Variants in BICD2 observed in about 807,000 individuals in gnomAD.
The protein encoded by BICD2 is BICD cargo adaptor 2.
BICD2 carries 25 observed loss-of-function variants against 72.9 expected under a neutral mutation model. That is an observed-to-expected ratio of 0.34 (90% CI 0.25 to 0.48). The LOEUF (loss-of-function observed/expected upper bound fraction) is 0.48. BICD2 is among the 20% of genes least tolerant of loss of function. The pLI is 0.99. For synonymous variants in BICD2, 501 were observed against 516.1 expected, an observed-to-expected ratio of 0.97 and a Z score of 0.40; for missense variants, 894 against 1,175.2, an observed-to-expected ratio of 0.76 and a Z score of 3.50.
At chr9:92,716,981 C>T (rs28714669) in intron 6 of BICD2, among the ~76,000 whole-genome samples, 2 of 152,220 alleles carry the variant, frequency 1.3e-5, no homozygotes, top group South Asian at 2.1e-4. Flanking sequence ...GAGTACCCAG[C>T]GGTCACAATG....
chr9:92,720,662 C>T lies in BICD2; in HGVS notation c.700G>A (p.Glu234Lys). ...TCCTCCAGCTGCCGCTCTGAGATCT[C>T]CTTGAGGCGGATGGCATCCTCCAGC... Reference protein sequence around the residue: ...SQLEDAIRLKEISERQLEEAL... With the variant: ...SQLEDAIRLKKISERQLEEAL... Residue 234 changes from glutamate to lysine, a missense_variant, in exon 4 of 7, where the codon GAG becomes AAG. Physicochemically the swap from Glu to Lys is moderately conservative, Grantham distance 56. Transcript: ENST00000356884. This position sits in a 1 kb window ranked among gnomAD's most constrained non-coding sequence, Gnocchi z 5.4. 2 of 1,614,214 alleles carry T rather than the reference C, an allele frequency of 1.2e-6. No individual in the cohort carries two copies. The highest frequency in any genetic ancestry group is 1.6e-4 in the Middle Eastern group (1 of 6,062).
chr9:92,742,796 G>A (rs541309929), intron 1 of BICD2, among the ~76,000 whole-genome samples: 2 of 152,204 alleles, frequency 1.3e-5, no homozygotes, highest in African/African-American at 2.4e-5. Context: ...CTCTATGAAT[G>A]TGTCTATTCT....
At chr9:92,752,536 G>A (rs1474155520) in intron 1 of BICD2, among the ~76,000 whole-genome samples, 1 of 152,188 alleles carries the variant, frequency 6.6e-6, no homozygotes, top group Non-Finnish European at 1.5e-5. Context: ...AGAAGGCCAA[G>A]ATAGGAGAAG....
chr9:92,742,864 G>A (rs754893235), intron 1 of BICD2, among the ~76,000 whole-genome samples: 2 of 152,158 alleles, frequency 1.3e-5, no homozygotes, highest in African/African-American at 4.8e-5. Flanking sequence ...TTCAAGGTTC[G>A]CCCATGTTGT....
chr9:92,756,654 T>C (rs1353799262), intron 1 of BICD2, among the ~76,000 whole-genome samples: 5 of 150,414 alleles, frequency 3.3e-5, no homozygotes, highest in Non-Finnish European at 5.9e-5. Flanking sequence ...AGGCAGATCA[T>C]GAGGTCAGGA....
intron 2 of BICD2, among the ~76,000 whole-genome samples, chr9:92,723,908 G>A (rs960468483): frequency 6.6e-6 from 1 of 152,074 alleles, no homozygotes; most frequent in Admixed American, 6.5e-5. Flanking sequence ...TTTGTGGTGG[G>A]AGCCGGCCTG....
At chr9:92,723,717 C>A (rs1853510407) in intron 2 of BICD2, among the ~76,000 whole-genome samples, 1 of 152,192 alleles carries the variant, frequency 6.6e-6, no homozygotes, top group Admixed American at 6.5e-5. Flanking sequence ...CTGAATAAAG[C>A]TGTTAAAAAT....
intron 1 of BICD2, among the ~76,000 whole-genome samples, chr9:92,761,836 C>T (rs1854378552): frequency 6.6e-6 from 1 of 152,226 alleles, no homozygotes; most frequent in Non-Finnish European, 1.5e-5. Context: ...CTCAAGAAAT[C>T]ACTAGCAGAA....
At chr9:92,732,352 T>C (rs892760370) in intron 1 of BICD2, among the ~76,000 whole-genome samples, 4 of 152,106 alleles carry the variant, frequency 2.6e-5, no homozygotes, top group Non-Finnish European at 5.9e-5. Context: ...AAGCCTTATG[T>C]AAGGAGTAAT....
rs368227626 is a variant in BICD2, at chr9:92,726,578, G to A, written c.453+2446C>T. Among the ~76,000 whole-genome samples, 18 of 152,202 alleles carry A rather than the reference G, an allele frequency of 1.2e-4. 1 individual carries two copies. Among genetic ancestry groups the A allele is most frequent in the East Asian group, 9.6e-4 (5 of 5,186 alleles). On this transcript the variant is annotated intron_variant, in intron 2 of 6. Coordinates refer to ENST00000356884, the MANE Select transcript of BICD2 (RefSeq NM_001003800.2). ...GCTATGCATGACTGGGACTGGTGGT[G>A]GTGAGACAAGGTCAGTCCTAGAGAT...
rs1854438965 is a variant in BICD2, at chr9:92,764,458, G to A, written c.240+47C>T. On this transcript the variant is annotated intron_variant, in intron 1 of 6. Transcript: ENST00000356884. The surrounding 1 kb of genome is among the most constrained non-coding windows in gnomAD (Gnocchi z 5.5). ...CCTGGTGCCAGGGACGACGCCCACAGGCCCCGGCGCCGGGCGGGGGTCGCA... is the reference window on the plus strand; with the variant it reads ...CCTGGTGCCAGGGACGACGCCCACAAGCCCCGGCGCCGGGCGGGGGTCGCA... 7 of 1,443,636 alleles carry A rather than the reference G, an allele frequency of 4.8e-6. No homozygotes were observed. The highest frequency in any genetic ancestry group is 6.4e-6 in the Non-Finnish European group (7 of 1,091,944). 89.4% of individuals were successfully genotyped at this position (1,443,636 alleles called of 1,614,324 possible).
At chr9:92,740,783 C>A (rs917082130) in intron 1 of BICD2, among the ~76,000 whole-genome samples, 1 of 152,138 alleles carries the variant, frequency 6.6e-6, no homozygotes, top group Admixed American at 6.5e-5. Context: ...AACCAGGGAA[C>A]TGAACACTTA....
At chr9:92,734,916 G>A (rs1048822591) in intron 1 of BICD2, among the ~76,000 whole-genome samples, 6 of 152,190 alleles carry the variant, frequency 3.9e-5, no homozygotes, top group Admixed American at 2.6e-4. Flanking sequence ...GGGAACAAAA[G>A]GGACACACAG....
intron 1 of BICD2, among the ~76,000 whole-genome samples, chr9:92,759,005 AAATAAT>A (rs995774986): frequency 6.6e-6 from 1 of 152,028 alleles, no homozygotes; most frequent in African/African-American, 2.4e-5. Context: ...CAAAATAAAT[AAATAAT>A]AATAATAATA....
intron 1 of BICD2, 132 bp from the exon 2 acceptor site, chr9:92,729,368 G>A (rs1853635415): frequency 2.1e-6 from 2 of 962,490 alleles, no homozygotes; most frequent in Non-Finnish European, 3.1e-6. Flanking sequence ...CTGAAGGGAG[G>A]CCCCCTGACC....
At position 92,764,460 on chromosome 9, in the gene BICD2, C is replaced by A; in HGVS notation, c.240+45G>T. The A allele has an allele frequency of 6.9e-7, 1 of 1,448,196 alleles. No individual in the cohort carries two copies. Among genetic ancestry groups the A allele is most frequent in the Non-Finnish European group, 9.1e-7 (1 of 1,093,930 alleles). 89.7% of individuals were successfully genotyped at this position (1,448,196 alleles called of 1,614,324 possible). On this transcript the variant is annotated intron_variant, in intron 1 of 6. Coordinates refer to ENST00000356884, the MANE Select transcript of BICD2 (RefSeq NM_001003800.2). The surrounding 1 kb of genome is among the most constrained non-coding windows in gnomAD (Gnocchi z 5.5). The stretch of plus-strand genomic sequence containing the variant: ...TGGTGCCAGGGACGACGCCCACAGG[C>A]CCCGGCGCCGGGCGGGGGTCGCAGG...
Position 92,713,672 on chromosome 9 carries a change from A to G in BICD2, c.*1482T>C, listed in dbSNP as rs1853239386. Reference sequence around the variant, plus strand: ...GAAGCTATGTGCCAGGCTTGCAAGGAGAGGGCAAAGCGCATGCAGGGTGGG... The same window carrying G: ...GAAGCTATGTGCCAGGCTTGCAAGGGGAGGGCAAAGCGCATGCAGGGTGGG... On this transcript the variant is annotated 3_prime_UTR_variant, in exon 7 of 7. Coordinates refer to ENST00000356884, the MANE Select transcript of BICD2 (RefSeq NM_001003800.2). The G allele has an allele frequency of 7.0e-7, 1 of 1,435,240 alleles. No individual in the cohort carries two copies. Among genetic ancestry groups the G allele is most frequent in the Non-Finnish European group, 9.2e-7 (1 of 1,089,874 alleles). The allele number at this position is 1,435,240 out of a possible 1,614,324, so 88.9% of individuals were successfully genotyped here.
intron 1 of BICD2, among the ~76,000 whole-genome samples, chr9:92,741,362 A>C (rs1026190170): frequency 6.6e-6 from 1 of 152,238 alleles, no homozygotes; most frequent in Non-Finnish European, 1.5e-5. Flanking sequence ...GGGTAAACCA[A>C]TTCAATTTTT....
intron 1 of BICD2, among the ~76,000 whole-genome samples, chr9:92,735,713 T>C (rs1419836925): frequency 1.3e-5 from 2 of 152,010 alleles, no homozygotes; most frequent in Non-Finnish European, 2.9e-5. Flanking sequence ...GAGTGCCTCA[T>C]CTCTGTTATC....
Sources: gnomAD v4.1 joint callset for allele counts (sites outside exome capture counted in the v4.1 genomes callset) on GRCh38, gnomAD v4.1.1 for gene constraint, Gnocchi (gnomAD v3.1) non-coding constraint, MANE v1.5 for transcripts, NCBI Gene and HGNC (gene_info 2026-07-23, HGNC 2026-07-21) for gene names.